Variants in P2RY12 observed in about 807,000 individuals in gnomAD.
P2RY12 encodes the protein purinergic receptor P2Y12.
A neutral mutation model predicts 4.5 loss-of-function variants in P2RY12; 3 were observed. That is an observed-to-expected ratio of 0.67 (90% CI 0.31 to 1.74). The LOEUF is 1.74. Among genes scored for constraint, P2RY12 ranks in the 40% most tolerant of loss-of-function variants. The pLI is 0.09. For synonymous variants in P2RY12, 148 were observed against 154.1 expected (o/e 0.96, Z 0.29); for missense variants, 356 against 407.8 (o/e 0.87, Z 1.09).
intron 1 of P2RY12, chr3:151,364,929 G>GT (rs745913438): frequency 7.7e-7 from 1 of 1,290,496 alleles, no homozygotes; most frequent in Non-Finnish European, 1.1e-6. Context: ...TAGTTTTCTA[G>GT]TTATTCTAGT....
rs749079299 is a variant in P2RY12 at position 151,372,580 on chromosome 3, T to C, written c.-180+12112A>G. ...TCTATTACTTAGGAGATGCCAAAAT[T>C]GGCAATAACAGTGTCAGCTCTTTAA... On this transcript the variant is annotated intron_variant, in intron 1 of 2. Coordinates refer to ENST00000302632, the MANE Select transcript of P2RY12 (RefSeq NM_022788.5). The C allele has an allele frequency of 2.5e-6, 4 of 1,613,602 alleles. No individual in the cohort carries two copies. In the African/African-American group the frequency reaches 4.0e-5, roughly 16 times the overall value.
rs140070980 is a variant in P2RY12 at position 151,372,428 on chromosome 3, C to T, written c.-180+12264G>A. On this transcript the variant is annotated intron_variant, in intron 1 of 2. Coordinates refer to ENST00000302632, the MANE Select transcript of P2RY12 (RefSeq NM_022788.5). ...CATTTATGCTCTTGATCCATTCTCT[C>T]TATTCCTGAACAACTGGCTATTCAA... 3.5e-3 allele frequency: 2,254 copies of T among 649,008 alleles called. 33 individuals are homozygous for T. In the African/African-American group the frequency reaches 0.036, roughly 10 times the overall value. 40.2% of individuals were successfully genotyped at this position (649,008 alleles called of 1,614,324 possible).
chr3:151,380,896 T>C (rs1314455393), intron 1 of P2RY12, among the ~76,000 whole-genome samples: 1 of 152,194 alleles, frequency 6.6e-6, no homozygotes, highest in Non-Finnish European at 1.5e-5. Flanking sequence ...GATGCCACAT[T>C]ATCAGGCACG....
chr3:151,338,317 AAG>A lies in P2RY12; in HGVS notation c.527_528del (p.Ser176PhefsTer3). The A allele has an allele frequency of 1.2e-6, 2 of 1,614,152 alleles. No individual in the cohort carries two copies. Among genetic ancestry groups the A allele is most frequent in the Non-Finnish European group, 1.7e-6 (2 of 1,180,004 alleles). ...QPRDKNVKKCSFLKSEFGLVW... is the reference protein window; with the variant it reads ...QPRDKNVKKCXFLKSEFGLVW... Reference sequence around the variant, plus strand: ...ACTAGACCGAACTCTGATTTAAGGAAAGAGCATTTCTTCACATTCTTGTCTCT... The same window carrying A: ...ACTAGACCGAACTCTGATTTAAGGAAAGCATTTCTTCACATTCTTGTCTCT... On this transcript the variant is annotated frameshift_variant, in exon 3 of 3. Coordinates refer to ENST00000302632, the MANE Select transcript of P2RY12 (RefSeq NM_022788.5). LOFTEE classifies it low-confidence loss of function (END_TRUNC).
intron 1 of P2RY12, among the ~76,000 whole-genome samples, chr3:151,343,446 T>C (rs947962262): frequency 1.3e-5 from 2 of 152,338 alleles, no homozygotes; most frequent in African/African-American, 4.8e-5. Context: ...ACCACATACC[T>C]ATTTACAAAC....
intron 1 of P2RY12, among the ~76,000 whole-genome samples, chr3:151,381,588 T>G (rs901913445): frequency 7.9e-5 from 12 of 152,230 alleles, no homozygotes; most frequent in Non-Finnish European, 8.8e-5. Context: ...TAGCATGGCC[T>G]GCTCCCTTCA....
At chr3:151,382,808 C>G in intron 1 of P2RY12, 1 of 1,308,592 alleles carries the variant, frequency 7.6e-7, no homozygotes, top group Non-Finnish European at 1.1e-6. Context: ...ATACCTCCAG[C>G]TTTCCACTTC....
intron 1 of P2RY12, among the ~76,000 whole-genome samples, chr3:151,377,549 G>A (rs1000808269): frequency 6.6e-6 from 1 of 152,082 alleles, no homozygotes; most frequent in African/African-American, 2.4e-5. Context: ...AGAACCAGTA[G>A]GCATATAAAG....
intron 1 of P2RY12, chr3:151,372,495 C>G: frequency 9.2e-7 from 1 of 1,088,884 alleles, no homozygotes; most frequent in South Asian, 1.3e-5. Context: ...GAATGCTATC[C>G]TCATTTGCTC....
rs769656474 is a variant in P2RY12, at chr3:151,378,054, C to T, written c.-180+6638G>A. 9 of 1,610,180 alleles carry T rather than the reference C, an allele frequency of 5.6e-6. No homozygotes were observed. In the East Asian group the frequency reaches 6.7e-5, roughly 12 times the overall value. ...GTGTATGGTTGGTGGCCCCCCTCATCGCCAGGTTGCCAACTTCTGTGCAAG... is the reference window on the plus strand; with the variant it reads ...GTGTATGGTTGGTGGCCCCCCTCATTGCCAGGTTGCCAACTTCTGTGCAAG... On this transcript the variant is annotated intron_variant, in intron 1 of 2. Transcript: ENST00000302632.
In P2RY12 at chr3:151,375,970, C is replaced by CATATATATATATATATATATATATATAT. The variant is rs148538586; in HGVS notation, c.-180+8721_-180+8722insATATATATATATATATATATATATATAT. 430 of 812,896 alleles carry CATATATATATATATATATATATATATAT rather than the reference C, an allele frequency of 5.3e-4. 3 individuals carry two copies. Among genetic ancestry groups the CATATATATATATATATATATATATATAT allele is most frequent in the Admixed American group, 1.6e-3 (58 of 35,216 alleles). 50.4% of individuals were successfully genotyped at this position (812,896 alleles called of 1,614,324 possible). The stretch of plus-strand genomic sequence containing the variant: ...TGCACTGTGGATTTAGTACATATTG[C>CATATATATATATATATATATATATATAT]ATATATATATACCGAAAGCCAGTGC... On this transcript the variant is annotated intron_variant, in intron 1 of 2. Coordinates refer to ENST00000302632, the MANE Select transcript of P2RY12 (RefSeq NM_022788.5).
At chr3:151,350,843 A>G (rs1311531904) in intron 1 of P2RY12, among the ~76,000 whole-genome samples, 1 of 152,160 alleles carries the variant, frequency 6.6e-6, no homozygotes, top group Non-Finnish European at 1.5e-5. Flanking sequence ...CTGTGCCTTT[A>G]TGTTGTATCA....
chr3:151,347,388 G>A (rs1380828751), intron 1 of P2RY12, among the ~76,000 whole-genome samples: 1 of 152,114 alleles, frequency 6.6e-6, no homozygotes, highest in African/African-American at 2.4e-5. Flanking sequence ...CAGACATGGA[G>A]TCTTCCACAA....
intron 1 of P2RY12, among the ~76,000 whole-genome samples, chr3:151,363,255 C>T (rs1035311679): frequency 2.0e-5 from 3 of 152,088 alleles, no homozygotes; most frequent in Non-Finnish European, 4.4e-5. Flanking sequence ...ATCTTGAAGT[C>T]AGAGACCTAT....
At chr3:151,369,366 T>C in intron 1 of P2RY12, 1 of 1,059,366 alleles carries the variant, frequency 9.4e-7, no homozygotes, top group Non-Finnish European at 1.4e-6. Flanking sequence ...AAAGGCTGAC[T>C]GCCTGTAAAT....
At chr3:151,343,237 G>C (rs897986118) in intron 1 of P2RY12, among the ~76,000 whole-genome samples, 1 of 152,030 alleles carries the variant, frequency 6.6e-6, no homozygotes, top group Admixed American at 6.6e-5. Context: ...ATGAAACAAG[G>C]CTTATTCAAG....
chr3:151,371,954 A>C (rs1013654671), intron 1 of P2RY12, among the ~76,000 whole-genome samples: 3 of 152,198 alleles, frequency 2.0e-5, no homozygotes, highest in African/African-American at 7.2e-5. Flanking sequence ...TTATCAGGTA[A>C]GGTTTTCTAA....
At chr3:151,375,987 A>T in intron 1 of P2RY12, 1 of 1,247,404 alleles carries the variant, frequency 8.0e-7, no homozygotes, top group African/African-American at 1.5e-5. Flanking sequence ...ATATACCGAA[A>T]GCCAGTGCCT....
At chr3:151,351,613 T>C (rs2150026937) in intron 1 of P2RY12, among the ~76,000 whole-genome samples, 1 of 152,334 alleles carries the variant, frequency 6.6e-6, no homozygotes, top group Middle Eastern at 3.4e-3. Flanking sequence ...GAAGATTGAA[T>C]TTAGAAGCCC....
Sources: allele counts gnomAD v4.1 joint callset (sites outside exome capture counted in the v4.1 genomes callset), GRCh38; gene constraint gnomAD v4.1.1; transcripts MANE v1.5; gene names NCBI Gene and HGNC (gene_info 2026-07-23, HGNC 2026-07-21).